Variants in ZFHX3 observed in about 807,000 individuals in gnomAD.
The protein encoded by ZFHX3 is zinc finger homeobox protein 3.
ZFHX3 carries 42 observed loss-of-function variants against 279.1 expected under a neutral mutation model. That is an observed-to-expected ratio of 0.15 (90% confidence interval 0.12 to 0.19). The LOEUF (loss-of-function observed/expected upper bound fraction) is 0.19. Ranked by LOEUF, ZFHX3 falls within the 10% of genes least tolerant of loss-of-function variation. ZFHX3 has a pLI of 1.00. For synonymous variants in ZFHX3, 2,293 were observed against 1,957.8 expected, an observed-to-expected ratio of 1.17 and a Z score of -4.52; for missense variants, 4,981 against 4,754.0, an observed-to-expected ratio of 1.05 and a Z score of -1.40.
chr16:73,346,297 G>A (rs560045067), intron 3 of ZFHX3, among the ~76,000 whole-genome samples: 10 of 152,182 alleles, frequency 6.6e-5, no homozygotes, highest in East Asian at 1.9e-4. Context: ...AAAGCCTCAC[G>A]CACCTGGAAC....
intron 1 of ZFHX3, among the ~76,000 whole-genome samples, chr16:73,709,685 T>C (rs1270115131): frequency 6.6e-6 from 1 of 152,010 alleles, no homozygotes; most frequent in East Asian, 1.9e-4. Flanking sequence ...AAGAATAACT[T>C]CAAGAGATCT....
In ZFHX3 at chr16:72,950,963, C is replaced by A. The variant is rs1960968172; in HGVS notation, c.2722G>T (p.Gly908Cys). The change falls in exon 3 of 10, where the codon GGC becomes TGC. Residue 908 changes from glycine to cysteine, a missense_variant and splice_region_variant. Coordinates refer to ENST00000268489, the MANE Select transcript of ZFHX3 (RefSeq NM_006885.4). ...CGCATGTCTAGGGGGATCTCACCGCCCACTGCAGGGAAGGAGAGAAGGAGA... is the reference window on the plus strand; with the variant it reads ...CGCATGTCTAGGGGGATCTCACCGCACACTGCAGGGAAGGAGAGAAGGAGA... ...PMAAMTPALV[G>C]GEIPLDMRLG... 2 of 1,611,098 alleles carry A rather than the reference C, an allele frequency of 1.2e-6. No homozygotes were observed. Among genetic ancestry groups the A allele is most frequent in the East Asian group, 4.5e-5 (2 of 44,788 alleles).
chr16:73,054,440 G>A (rs1294529815), intron 1 of ZFHX3, among the ~76,000 whole-genome samples: 2 of 108,988 alleles, frequency 1.8e-5, no homozygotes, highest in Non-Finnish European at 3.6e-5. Flanking sequence ...GAAACCAGGA[G>A]GATTTTTTTT....
At chr16:73,065,048 TC>T (rs2144748372) in intron 8 of ZFHX3, among the ~76,000 whole-genome samples, 1 of 152,340 alleles carries the variant, frequency 6.6e-6, no homozygotes, top group East Asian at 1.9e-4. Flanking sequence ...TTTAGGGATT[TC>T]CAAGGGCATA....
At chr16:73,114,029 C>T (rs558602803) in intron 7 of ZFHX3, among the ~76,000 whole-genome samples, 1 of 152,014 alleles carries the variant, frequency 6.6e-6, no homozygotes, top group South Asian at 2.1e-4. Context: ...ATCTCCTGAC[C>T]TTGTGATCTG....
intron 2 of ZFHX3, among the ~76,000 whole-genome samples, chr16:73,567,825 A>G (rs2020471912): frequency 6.6e-6 from 1 of 152,216 alleles, no homozygotes; most frequent in African/African-American, 2.4e-5. Context: ...CGAGCCTTGA[A>G]CAGAACAAAC....
chr16:73,837,740 G>A (rs868197096), intron 1 of ZFHX3, among the ~76,000 whole-genome samples: 9 of 152,152 alleles, frequency 5.9e-5, no homozygotes, highest in African/African-American at 1.4e-4. Flanking sequence ...GCGTTCAAGC[G>A]ATTCTCCTGC....
chr16:73,602,286 C>A (rs1035944800), intron 2 of ZFHX3, among the ~76,000 whole-genome samples: 6 of 152,050 alleles, frequency 3.9e-5, no homozygotes, highest in African/African-American at 1.4e-4. Context: ...ATTTGGGAGG[C>A]CACGAAAAAT....
At chr16:73,232,171 G>A (rs924682727) in intron 5 of ZFHX3, 2 of 152,200 alleles carry the variant, frequency 1.3e-5, no homozygotes, top group African/African-American at 4.8e-5. Context: ...CTCGGAGCCA[G>A]CGAGACCTGG....
chr16:72,899,185 T>G (rs144649156), intron 3 of ZFHX3, among the ~76,000 whole-genome samples: 343 of 152,332 alleles, frequency 2.3e-3, no homozygotes, highest in African/African-American at 7.6e-3. Context: ...TGATATAGTT[T>G]GGCTGTGTCC....
chr16:73,094,196 A>G (rs926573146), intron 7 of ZFHX3, among the ~76,000 whole-genome samples: 1 of 152,212 alleles, frequency 6.6e-6, no homozygotes, highest in Non-Finnish European at 1.5e-5. Flanking sequence ...TCTTTTTGGA[A>G]ACACAGGCAT....
intron 5 of ZFHX3, among the ~76,000 whole-genome samples, chr16:73,179,845 G>C (rs937726881): frequency 2.0e-5 from 3 of 152,118 alleles, no homozygotes; most frequent in Non-Finnish European, 4.4e-5. Flanking sequence ...AGAGCATTTT[G>C]CCCTTCAGAA....
In ZFHX3 at chr16:73,003,944, C is replaced by CT. The variant is rs35311786; in HGVS notation, c.-49-43751dup. Among the ~76,000 whole-genome samples, 283 of 139,550 alleles carry CT rather than the reference C, an allele frequency of 2.0e-3. 1 individual carries two copies. The highest frequency in any genetic ancestry group is 5.2e-3 in the Admixed American group (72 of 13,908). 91.6% of individuals were successfully genotyped at this position (139,550 alleles called of 152,430 possible). On this transcript the variant is annotated intron_variant, in intron 1 of 9. Transcript: ENST00000268489. ...CCCAATAACCAGATCAGGGTATTTG[C>CT]TTTTTTTTTTTTTTCCACTTAGTTC...
chr16:73,469,526 G>GAACTCCTCACT (rs1269185974), intron 2 of ZFHX3, among the ~76,000 whole-genome samples: 47 of 152,246 alleles, frequency 3.1e-4, no homozygotes, highest in African/African-American at 1.0e-3. Flanking sequence ...TGGTGTCACT[G>GAACTCCTCACT]TCTTCTTGAG....
At chr16:72,832,753 G>A (rs1373574765) in intron 4 of ZFHX3, among the ~76,000 whole-genome samples, 3 of 151,804 alleles carry the variant, frequency 2.0e-5, no homozygotes, top group African/African-American at 4.8e-5. Context: ...TCCGCATGGC[G>A]AGGCCCGGAA....
chr16:73,028,139 G>T (rs1003648952), intron 1 of ZFHX3, among the ~76,000 whole-genome samples: 2 of 152,104 alleles, frequency 1.3e-5, no homozygotes, highest in African/African-American at 4.8e-5. Flanking sequence ...TTTTTTGGGG[G>T]AGTGTGGGGA....
chr16:73,708,852 G>C (rs1164316590), intron 1 of ZFHX3, among the ~76,000 whole-genome samples: 1 of 152,140 alleles, frequency 6.6e-6, no homozygotes, highest in Non-Finnish European at 1.5e-5. Flanking sequence ...AAGATGAATG[G>C]GCTCTCGGAA....
chr16:72,832,460 G>A (rs376263842), intron 4 of ZFHX3, among the ~76,000 whole-genome samples: 1 of 152,230 alleles, frequency 6.6e-6, no homozygotes, highest in African/African-American at 2.4e-5. Context: ...AACGAAAGAG[G>A]TTATTTCAAG....
At chr16:73,660,361 C>T (rs1340398199) in intron 2 of ZFHX3, among the ~76,000 whole-genome samples, 2 of 152,202 alleles carry the variant, frequency 1.3e-5, no homozygotes, top group Non-Finnish European at 2.9e-5. Flanking sequence ...GTAGACACAA[C>T]TGCAAAACTG....
Sources: gnomAD v4.1 joint callset for allele counts (sites outside exome capture counted in the v4.1 genomes callset) on GRCh38, gnomAD v4.1.1 for gene constraint, MANE v1.5 for transcripts, NCBI Gene and HGNC (gene_info 2026-07-23, HGNC 2026-07-21) for gene names.